Variants in PDE8B observed in about 807,000 individuals in gnomAD.
The protein encoded by PDE8B is high affinity cAMP-specific and IBMX-insensitive 3',5'-cyclic phosphodiesterase 8B.
Under a neutral mutation model 101.3 loss-of-function variants are expected in PDE8B, and 26 were observed. The ratio of observed to expected loss-of-function variants is 0.26; its 90% CI spans 0.19 to 0.36. The LOEUF is 0.36. PDE8B is among the 10% of genes least tolerant of loss of function. The pLI, the probability that PDE8B is intolerant of heterozygous loss-of-function variation, is 1.00. For missense variants in PDE8B, 810 were observed against 1,163.1 expected, an observed-to-expected ratio of 0.70 and a Z score of 4.42; for synonymous variants, 424 against 429.3, an observed-to-expected ratio of 0.99 and a Z score of 0.15.
At chr5:77,293,428 A>G (rs1482445378) in intron 1 of PDE8B, among the ~76,000 whole-genome samples, 1 of 152,234 alleles carries the variant, frequency 6.6e-6, no homozygotes, top group Non-Finnish European at 1.5e-5. Context: ...TTAATTTGAG[A>G]GAGACTTAGC....
chr5:77,417,718 A>C (rs1795859316), intron 17 of PDE8B, among the ~76,000 whole-genome samples: 1 of 152,280 alleles, frequency 6.6e-6, no homozygotes, highest in South Asian at 2.1e-4. Flanking sequence ...TTTTCCTGGC[A>C]AAGTTATTCT....
Position 77,263,830 on chromosome 5 carries a change from A to C in PDE8B, c.340-48164A>C, listed in dbSNP as rs1761121129. Among the ~76,000 whole-genome samples the C allele has an allele frequency of 2.6e-5, 4 of 152,322 alleles. No homozygotes were observed. In the South Asian group the frequency reaches 8.3e-4, roughly 32 times the overall value. ...ACAGTTCACCCCTTTAAAGCATACA[A>C]CTTTTAGTATACTCTTAGAAGTTGT... On this transcript the variant is annotated intron_variant, in intron 1 of 21. Transcript: ENST00000264917.
the PDE8B span, among the ~76,000 whole-genome samples, chr5:77,117,180 A>G: frequency 6.6e-6 from 1 of 152,222 alleles, no homozygotes; most frequent in Non-Finnish European, 1.5e-5. Context: ...GAATGAGAGC[A>G]GAGGGGGCAA....
chr5:77,365,437 G>T (rs1220158120), intron 10 of PDE8B, among the ~76,000 whole-genome samples: 1 of 152,184 alleles, frequency 6.6e-6, no homozygotes, highest in Non-Finnish European at 1.5e-5. Context: ...GTTAGGGCAG[G>T]CTGATAGAAG....
At chr5:77,212,249 TC>T in intron 1 of PDE8B, among the ~76,000 whole-genome samples, 1 of 152,270 alleles carries the variant, frequency 6.6e-6, no homozygotes, top group South Asian at 2.1e-4. Context: ...ACTCCTAATG[TC>T]AGATAGAATC....
rs1580922474 is a variant in PDE8B, at chr5:77,306,048, G to A, written c.340-5946G>A. ...ATTCCACCCCCACCTGGACACACAC[G>A]CACATGCACACGCATGCATACCCTT... On this transcript the variant is annotated intron_variant, in intron 1 of 21. Coordinates refer to ENST00000264917, the MANE Select transcript of PDE8B (RefSeq NM_003719.5). 2.0e-5 allele frequency among the ~76,000 whole-genome samples: 3 copies of A among 152,090 alleles called. 1 individual carries two copies. Among genetic ancestry groups the A allele is most frequent in the South Asian group, 4.2e-4 (2 of 4,814 alleles).
At chr5:77,327,661 T>C (rs1039680067) in intron 3 of PDE8B, among the ~76,000 whole-genome samples, 3 of 152,162 alleles carry the variant, frequency 2.0e-5, no homozygotes, top group Non-Finnish European at 4.4e-5. Context: ...GAGTATAAAA[T>C]AAGTATAGCT....
the PDE8B span, among the ~76,000 whole-genome samples, chr5:77,098,415 C>T: frequency 6.6e-6 from 1 of 152,108 alleles, no homozygotes; most frequent in Non-Finnish European, 1.5e-5. Flanking sequence ...TCCCAAGCAG[C>T]TGGGACTTCA....
chr5:77,306,503 G>A (rs1477212194), intron 1 of PDE8B, among the ~76,000 whole-genome samples: 8 of 152,160 alleles, frequency 5.3e-5, no homozygotes, highest in African/African-American at 9.7e-5. Flanking sequence ...GTTCTTCTTT[G>A]GGTGAAGTTG....
chr5:77,325,138 A>G (rs1471230354), intron 2 of PDE8B, among the ~76,000 whole-genome samples: 1 of 147,080 alleles, frequency 6.8e-6, no homozygotes, highest in East Asian at 2.1e-4. Flanking sequence ...CCAGTATACC[A>G]TAGGCCTGGT....
the PDE8B span, among the ~76,000 whole-genome samples, chr5:77,120,683 T>G: frequency 6.6e-6 from 1 of 152,236 alleles, no homozygotes; most frequent in Non-Finnish European, 1.5e-5. Context: ...AACATTTTTA[T>G]AATAAAAAGT....
At chr5:77,158,297 C>A in the PDE8B span, among the ~76,000 whole-genome samples, 1 of 152,270 alleles carries the variant, frequency 6.6e-6, no homozygotes, top group South Asian at 2.1e-4. Context: ...TGTAGTGATT[C>A]AAGTCAACAA....
intron 1 of PDE8B, among the ~76,000 whole-genome samples, chr5:77,281,153 C>T (rs551892126): frequency 3.0e-4 from 46 of 152,270 alleles, no homozygotes; most frequent in African/African-American, 1.1e-3. Context: ...TGTGACTTGG[C>T]CTCTACCTCA....
intron 1 of PDE8B, among the ~76,000 whole-genome samples, chr5:77,249,986 C>G (rs1251216677): frequency 6.6e-6 from 1 of 152,168 alleles, no homozygotes; most frequent in African/African-American, 2.4e-5. Context: ...TGCACACGTC[C>G]CTGTTATACA....
chr5:77,340,291 G>A (rs1778970104), intron 6 of PDE8B, among the ~76,000 whole-genome samples: 1 of 152,188 alleles, frequency 6.6e-6, no homozygotes, highest in African/African-American at 2.4e-5. Context: ...TCTGTATTCT[G>A]TGGAACACCA....
chr5:77,291,094 T>C (rs978280197), intron 1 of PDE8B: 2 of 1,611,078 alleles, frequency 1.2e-6, no homozygotes, highest in East Asian at 2.2e-5. Context: ...AGTACCATTA[T>C]TGCCTTTGAA....
intron 1 of PDE8B, among the ~76,000 whole-genome samples, chr5:77,307,495 AATG>A (rs1445589474): frequency 1.3e-5 from 2 of 152,192 alleles, no homozygotes; most frequent in Non-Finnish European, 2.9e-5. Flanking sequence ...CTCTGAATGA[AATG>A]ATGTATTCCT....
intron 6 of PDE8B, among the ~76,000 whole-genome samples, chr5:77,338,919 G>T (rs143980486): frequency 3.3e-5 from 5 of 152,182 alleles, no homozygotes; most frequent in Admixed American, 3.3e-4. Flanking sequence ...GATGGCATAT[G>T]TTAGGTGCCA....
intron 1 of PDE8B, among the ~76,000 whole-genome samples, chr5:77,303,593 TAA>T (rs1456485933): frequency 2.0e-5 from 3 of 151,738 alleles, no homozygotes; most frequent in Non-Finnish European, 2.9e-5. Context: ...AATAAATAAA[TAA>T]ATAAATAGGT....
Sources: allele counts gnomAD v4.1 joint callset (sites outside exome capture counted in the v4.1 genomes callset), GRCh38; gene constraint gnomAD v4.1.1; transcripts MANE v1.5; gene names NCBI Gene and HGNC (gene_info 2026-07-23, HGNC 2026-07-21).